RGS20: variants seen among roughly 807,000 people sequenced by gnomAD.
RGS20 encodes regulator of G protein signaling 20, also known as gz-selective GTPase-activating protein.
In RGS20, 30 loss-of-function variants were observed where a neutral mutation model predicts 33.6. The observed-to-expected ratio is 0.89, with a 90% CI of 0.67 to 1.21. The LOEUF (loss-of-function observed/expected upper bound fraction) is 1.21, where lower values mean the gene tolerates loss of function less well. Ranked by LOEUF, RGS20 falls within the 50% of genes most tolerant of loss-of-function variation. RGS20 has a pLI of 0.00. For synonymous variants in RGS20, 208 were observed against 197.9 expected (o/e 1.05, Z -0.43); for missense variants, 472 against 502.4 (o/e 0.94, Z 0.58).
intron 2 of RGS20, among the ~76,000 whole-genome samples, chr8:53,911,983 GT>G (rs1393110063): frequency 6.6e-6 from 1 of 152,000 alleles, no homozygotes; most frequent in Non-Finnish European, 1.5e-5. Flanking sequence ...TTCCAACTTT[GT>G]TTTAAAAGGC....
intron 2 of RGS20, among the ~76,000 whole-genome samples, chr8:53,908,797 C>T (rs1480674581): frequency 2.6e-5 from 4 of 151,878 alleles, no homozygotes; most frequent in African/African-American, 9.7e-5. Context: ...GGGTGAGACC[C>T]TGTCTCAAGA....
chr8:53,876,439 GCTTCCAGGAA>G (rs1563351516), intron 1 of RGS20: 1 of 152,236 alleles, frequency 6.6e-6, no homozygotes, highest in Non-Finnish European at 1.5e-5. Flanking sequence ...AAGGACCAGT[GCTTCCAGGAA>G]TACGGTACTG....
intron 2 of RGS20, among the ~76,000 whole-genome samples, chr8:53,916,393 T>C (rs865812676): frequency 6.6e-6 from 1 of 152,158 alleles, no homozygotes; most frequent in African/African-American, 2.4e-5. Context: ...GATTTACTAT[T>C]GTTTCTTGAA....
chr8:53,873,302 C>A (rs1248492920), intron 1 of RGS20, among the ~76,000 whole-genome samples: 1 of 152,174 alleles, frequency 6.6e-6, no homozygotes, highest in African/African-American at 2.4e-5. Flanking sequence ...ATAAATGACC[C>A]AGTCTCAGGT....
At chr8:53,946,437 C>G in intron 3 of RGS20, 1 of 523,980 alleles carries the variant, frequency 1.9e-6, no homozygotes, top group Non-Finnish European at 3.5e-6. Flanking sequence ...ACAATAATTT[C>G]TAACTCTTTC....
chr8:53,945,129 T>C (rs532679669), intron 3 of RGS20, among the ~76,000 whole-genome samples: 2 of 152,286 alleles, frequency 1.3e-5, no homozygotes, highest in Non-Finnish European at 2.9e-5. Context: ...AACACAAATA[T>C]ATGTTCGCAC....
At chr8:53,867,835 A>G (rs746306256) in intron 1 of RGS20, among the ~76,000 whole-genome samples, 1 of 151,714 alleles carries the variant, frequency 6.6e-6, no homozygotes, top group Non-Finnish European at 1.5e-5. Context: ...TGATTCTCCT[A>G]TCTCAGTCTC....
intron 4 of RGS20, among the ~76,000 whole-genome samples, chr8:53,949,254 TTA>T (rs1213381397): frequency 6.8e-5 from 10 of 146,820 alleles, no homozygotes; most frequent in Non-Finnish European, 1.0e-4. Flanking sequence ...CAGTATATAT[TTA>T]TATATACTAT....
intron 4 of RGS20, among the ~76,000 whole-genome samples, chr8:53,950,099 C>T (rs771065939): frequency 2.0e-5 from 3 of 152,056 alleles, no homozygotes; most frequent in Non-Finnish European, 2.9e-5. Flanking sequence ...CTCGTTCTCC[C>T]AAAGTGCTAG....
intron 2 of RGS20, among the ~76,000 whole-genome samples, chr8:53,906,999 C>T (rs922280957): frequency 6.6e-6 from 1 of 152,178 alleles, no homozygotes; most frequent in Non-Finnish European, 1.5e-5. Context: ...CCAGACATAG[C>T]TCTCTGGCTT....
In RGS20 at chr8:53,879,603, G is replaced by C; in HGVS notation, c.510+1G>C. The C allele has an allele frequency of 6.7e-7, 1 of 1,494,676 alleles. No homozygotes were observed. The highest frequency in any genetic ancestry group is 1.4e-5 in the African/African-American group (1 of 69,486). The allele number at this position is 1,494,676 out of a possible 1,614,324, so 92.6% of individuals were successfully genotyped here. On this transcript the variant is annotated splice_donor_variant, in intron 2 of 5. Coordinates refer to ENST00000297313, the MANE Select transcript of RGS20 (RefSeq NM_170587.4). LOFTEE classifies it high-confidence loss of function. ...CGCTGGGCAGAGCTCGCCTATGCCG[G>C]TGAGTACCGTGGTCTCCACTACGCC...
At chr8:53,905,040 A>G (rs1813127585) in intron 2 of RGS20, among the ~76,000 whole-genome samples, 1 of 152,224 alleles carries the variant, frequency 6.6e-6, no homozygotes, top group Admixed American at 6.5e-5. Context: ...TATATAAACA[A>G]AAGTGTAAAG....
At chr8:53,862,157 T>C (rs1355351022) in intron 1 of RGS20, among the ~76,000 whole-genome samples, 1 of 152,088 alleles carries the variant, frequency 6.6e-6, no homozygotes. Context: ...CCTTGGACTC[T>C]TCGCCAACAT....
chr8:53,855,069 C>CT (rs915809743), intron 1 of RGS20, among the ~76,000 whole-genome samples: 2 of 151,606 alleles, frequency 1.3e-5, no homozygotes, highest in Non-Finnish European at 2.9e-5. Flanking sequence ...ATAAGCCACT[C>CT]TTTTTTTTTC....
At chr8:53,930,023 T>G (rs1813910118) in intron 2 of RGS20, among the ~76,000 whole-genome samples, 2 of 152,146 alleles carry the variant, frequency 1.3e-5, no homozygotes, top group South Asian at 4.1e-4. Flanking sequence ...TTAAAGAAAG[T>G]CTTGAGGAAG....
chr8:53,874,742 A>G (rs1246743977), intron 1 of RGS20, among the ~76,000 whole-genome samples: 1 of 152,144 alleles, frequency 6.6e-6, no homozygotes, highest in African/African-American at 2.4e-5. Context: ...TCTGCCTTAC[A>G]TGGCATTCTC....
At chr8:53,957,765 T>G (rs1252147574) in intron 5 of RGS20, among the ~76,000 whole-genome samples, 2 of 152,218 alleles carry the variant, frequency 1.3e-5, no homozygotes, top group African/African-American at 4.8e-5. Flanking sequence ...CTGATGCCAC[T>G]GACATTTGAG....
chr8:53,884,907 G>A lies in RGS20; in HGVS notation c.510+5305G>A, dbSNP rs114374412. ...GGTCACAGATCAAGCTATTGTCAGAGCCAGCATTAGCATTTTAGGCCCCAC... is the reference window on the plus strand; with the variant it reads ...GGTCACAGATCAAGCTATTGTCAGAACCAGCATTAGCATTTTAGGCCCCAC... On this transcript the variant is annotated intron_variant, in intron 2 of 5. Transcript: ENST00000297313. Among the ~76,000 whole-genome samples, 214 of 152,280 alleles carry A rather than the reference G, an allele frequency of 1.4e-3. 2 individuals carry two copies. The highest frequency in any genetic ancestry group is 4.8e-3 in the African/African-American group (198 of 41,542).
intron 5 of RGS20, among the ~76,000 whole-genome samples, chr8:53,956,628 GCTTA>G (rs1485416306): frequency 6.6e-6 from 1 of 152,106 alleles, no homozygotes; most frequent in South Asian, 2.1e-4. Flanking sequence ...GGGGTCGTTG[GCTTA>G]CTTAATTTTG....
Sources: gnomAD v4.1 joint callset for allele counts (sites outside exome capture counted in the v4.1 genomes callset) on GRCh38, gnomAD v4.1.1 for gene constraint, MANE v1.5 for transcripts, NCBI Gene and HGNC (gene_info 2026-07-23, HGNC 2026-07-21) for gene names.